The following RGS6 variants were observed in gnomAD, a reference collection of about 807,000 sequenced individuals.
RGS6 encodes the protein regulator of G protein signaling 6.
Under a neutral mutation model 78.5 loss-of-function variants are expected in RGS6, and 30 were observed. The observed-to-expected ratio is 0.38, with a 90% CI of 0.29 to 0.52. The LOEUF (loss-of-function observed/expected upper bound fraction) is 0.52, where lower values mean the gene tolerates loss of function less well. RGS6 is among the 20% of genes least tolerant of loss of function. The pLI, the probability that RGS6 is intolerant of heterozygous loss-of-function variation, is 0.85. For synonymous variants in RGS6, 206 were observed against 206.0 expected (o/e 1.00, Z 0.00); for missense variants, 495 against 609.7 (o/e 0.81, Z 1.98).
intron 1 of RGS6, among the ~76,000 whole-genome samples, chr14:71,933,619 T>G (rs188987674): frequency 1.3e-5 from 2 of 152,354 alleles, no homozygotes; most frequent in African/African-American, 4.8e-5. Flanking sequence ...GAATGAAAGC[T>G]GCTGTATTTC....
At chr14:72,183,151 GCT>G (rs1363152649) in intron 2 of RGS6, among the ~76,000 whole-genome samples, 1 of 152,118 alleles carries the variant, frequency 6.6e-6, no homozygotes, top group Admixed American at 6.5e-5. Context: ...GATAAGGTAG[GCT>G]TACTTTATGT....
At chr14:72,521,168 T>C (rs1234669293) in intron 15 of RGS6, among the ~76,000 whole-genome samples, 1 of 152,236 alleles carries the variant, frequency 6.6e-6, no homozygotes, top group East Asian at 1.9e-4. Flanking sequence ...TAACCGCTTG[T>C]TTCTTACACC....
At chr14:71,960,447 G>C (rs1356940167) in intron 1 of RGS6, among the ~76,000 whole-genome samples, 1 of 152,154 alleles carries the variant, frequency 6.6e-6, no homozygotes, top group African/African-American at 2.4e-5. Context: ...GAATCTTCTG[G>C]AAGGAGGACA....
chr14:72,269,513 C>A (rs181914141), intron 2 of RGS6, among the ~76,000 whole-genome samples: 1 of 151,820 alleles, frequency 6.6e-6, no homozygotes, highest in East Asian at 1.9e-4. Flanking sequence ...TGATTGAGAC[C>A]CTTACCTCCT....
chr14:71,990,464 A>G (rs1475874454), intron 2 of RGS6: 2 of 377,674 alleles, frequency 5.3e-6, no homozygotes, highest in African/African-American at 2.1e-5. Context: ...CCTTTGGGAC[A>G]TGGGAATATG....
chr14:72,336,200 AG>A (rs1264394948), intron 2 of RGS6, among the ~76,000 whole-genome samples: 1 of 152,228 alleles, frequency 6.6e-6, no homozygotes, highest in Non-Finnish European at 1.5e-5. Context: ...CATAAGTATA[AG>A]GGTTTACATT....
the RGS6 span, among the ~76,000 whole-genome samples, chr14:72,592,046 C>A: frequency 3.9e-5 from 6 of 152,214 alleles, no homozygotes; most frequent in Non-Finnish European, 7.3e-5. Flanking sequence ...TGAATAGCAA[C>A]AAACACCTGG....
intron 2 of RGS6, among the ~76,000 whole-genome samples, chr14:72,107,305 T>A (rs1318750376): frequency 2.0e-5 from 3 of 152,060 alleles, no homozygotes; most frequent in African/African-American, 7.2e-5. Flanking sequence ...CCGTAGCAAA[T>A]CATCCCTATT....
chr14:71,982,886 A>G (rs1468221919), intron 2 of RGS6, among the ~76,000 whole-genome samples: 2 of 152,184 alleles, frequency 1.3e-5, no homozygotes, highest in African/African-American at 2.4e-5. Flanking sequence ...CTAGTTAGCC[A>G]TTGTCAGAAG....
At chr14:71,971,038 GAT>G (rs1457931613) in intron 2 of RGS6, among the ~76,000 whole-genome samples, 1 of 152,186 alleles carries the variant, frequency 6.6e-6, no homozygotes, top group Non-Finnish European at 1.5e-5. Context: ...TTAAGTGGTT[GAT>G]ATGAAGCTAG....
the RGS6 span, among the ~76,000 whole-genome samples, chr14:71,894,137 G>A: frequency 6.6e-6 from 1 of 152,148 alleles, no homozygotes; most frequent in Admixed American, 6.5e-5. Flanking sequence ...GATTGTCAGA[G>A]GCGTTCAAAC....
intron 2 of RGS6, among the ~76,000 whole-genome samples, chr14:72,024,805 T>A (rs1422673854): frequency 6.6e-6 from 1 of 152,118 alleles, no homozygotes; most frequent in Non-Finnish European, 1.5e-5. Context: ...CTGTTTTATG[T>A]GGAGTGAGTT....
intron 3 of RGS6, among the ~76,000 whole-genome samples, chr14:72,404,270 T>A (rs1362554221): frequency 1.3e-5 from 2 of 152,182 alleles, no homozygotes; most frequent in African/African-American, 2.4e-5. Context: ...ACAAGCTCCT[T>A]TAAGATGCCT....
chr14:71,976,694 C>T (rs1319232473), intron 2 of RGS6, among the ~76,000 whole-genome samples: 2 of 152,156 alleles, frequency 1.3e-5, no homozygotes, highest in Non-Finnish European at 2.9e-5. Flanking sequence ...CAAGTCTTTG[C>T]TCTTCTGAAT....
At chr14:71,898,145 TCTA>T in the RGS6 span, among the ~76,000 whole-genome samples, 2 of 152,128 alleles carry the variant, frequency 1.3e-5, no homozygotes, top group African/African-American at 4.8e-5. Flanking sequence ...ACATTTAAGA[TCTA>T]CTCTCAGCAA....
intron 2 of RGS6, among the ~76,000 whole-genome samples, chr14:72,072,296 G>A (rs1409704316): frequency 6.6e-6 from 1 of 151,332 alleles, no homozygotes; most frequent in Non-Finnish European, 1.5e-5. Flanking sequence ...GCTTGTTTGT[G>A]TGTGTGTAGT....
chr14:71,900,328 T>C, the RGS6 span, among the ~76,000 whole-genome samples: 1 of 152,186 alleles, frequency 6.6e-6, no homozygotes, highest in African/African-American at 2.4e-5. Context: ...CGCTTTTTTA[T>C]CAGTTATATT....
chr14:72,117,604 C>G (rs1457847593), intron 2 of RGS6, among the ~76,000 whole-genome samples: 2 of 152,258 alleles, frequency 1.3e-5, no homozygotes, highest in South Asian at 2.1e-4. Flanking sequence ...AGGACTAACA[C>G]AGCAGGTGAG....
the RGS6 span, among the ~76,000 whole-genome samples, chr14:71,922,390 C>A: frequency 6.6e-6 from 1 of 152,174 alleles, no homozygotes. Flanking sequence ...TACTGTCTCT[C>A]CCCTGTGGTA....
Sources: gnomAD v4.1 joint callset for allele counts (sites outside exome capture counted in the v4.1 genomes callset) on GRCh38, gnomAD v4.1.1 for gene constraint, MANE v1.5 for transcripts, NCBI Gene and HGNC (gene_info 2026-07-23, HGNC 2026-07-21) for gene names.